The following GALNT18 variants were observed in gnomAD, a reference collection of about 807,000 sequenced individuals.
GALNT18 encodes GalNAc-transferase 18.
Under a neutral mutation model 69.5 loss-of-function variants are expected in GALNT18, and 44 were observed. The observed-to-expected ratio is 0.63, with a 90% confidence interval of 0.50 to 0.81. GALNT18 has a LOEUF of 0.81. GALNT18 is among the 40% of genes least tolerant of loss of function. The pLI is 0.00. For synonymous variants in GALNT18, 364 were observed against 318.2 expected, an observed-to-expected ratio of 1.14 and a Z score of -1.53; for missense variants, 715 against 810.0, an observed-to-expected ratio of 0.88 and a Z score of 1.42.
rs1292028435 is a variant in GALNT18, at chr11:11,505,770, T to C, written c.236-56834A>G. 1.3e-5 allele frequency among the ~76,000 whole-genome samples: 2 copies of C among 152,168 alleles called. No individual in the cohort carries two copies. Among genetic ancestry groups the C allele is most frequent in the African/African-American group, 2.4e-5 (1 of 41,444 alleles). Reference sequence around the variant, plus strand: ...AGTGTACCTGCTCTCTCTCCTTCATTTGCATGCCTTCAAGTTCTGTCTATG... The same window carrying C: ...AGTGTACCTGCTCTCTCTCCTTCATCTGCATGCCTTCAAGTTCTGTCTATG... On this transcript the variant is annotated intron_variant, in intron 1 of 10. Coordinates refer to ENST00000227756, the MANE Select transcript of GALNT18 (RefSeq NM_198516.3). The surrounding 1 kb of genome is among the most constrained non-coding windows in gnomAD (Gnocchi z 4.6).
rs1482152088 is a variant in GALNT18, at chr11:11,341,292, G to A, written c.1093-288C>T. On this transcript the variant is annotated intron_variant, in intron 6 of 10. Coordinates refer to ENST00000227756, the MANE Select transcript of GALNT18 (RefSeq NM_198516.3). This position sits in a 1 kb window ranked among gnomAD's most constrained non-coding sequence, Gnocchi z 6.3. ...TGTGAGCCCTACCCCACCAAAAAAA[G>A]AGACCAGACATTTTGTTCCAAAGAT... Among the ~76,000 whole-genome samples the A allele has an allele frequency of 6.6e-6, 1 of 152,152 alleles. No individual in the cohort carries two copies. Among genetic ancestry groups the A allele is most frequent in the Non-Finnish European group, 1.5e-5 (1 of 68,022 alleles).
chr11:11,420,522 C>T (rs1428552608), intron 3 of GALNT18, among the ~76,000 whole-genome samples: 9 of 152,188 alleles, frequency 5.9e-5, no homozygotes, highest in Non-Finnish European at 1.2e-4. Context: ...GAAGTTATTC[C>T]ATACTCCAAA....
Position 11,432,829 on chromosome 11 carries a change from G to C in GALNT18, c.429-42C>G, listed in dbSNP as rs370295925. 6 of 1,594,248 alleles carry C rather than the reference G, an allele frequency of 3.8e-6. No homozygotes were observed. The African/African-American group carries it at 8.0e-5, about 21-fold the overall frequency. ...AGCGCTTAGATTTGTGACTCAGCTGGAGTCATCTCAGGAGCTGACCCAGCC... is the reference window on the plus strand; with the variant it reads ...AGCGCTTAGATTTGTGACTCAGCTGCAGTCATCTCAGGAGCTGACCCAGCC... On this transcript the variant is annotated intron_variant, in intron 2 of 10. Transcript: ENST00000227756. The surrounding 1 kb of genome is among the most constrained non-coding windows in gnomAD (Gnocchi z 5.8).
rs1403369675 is a variant in GALNT18 at position 11,586,307 on chromosome 11, T to G, written c.235+35052A>C. 6.6e-6 allele frequency among the ~76,000 whole-genome samples: 1 copy of G among 152,234 alleles called. No individual in the cohort carries two copies. Among genetic ancestry groups the G allele is most frequent in the African/African-American group, 2.4e-5 (1 of 41,468 alleles). On this transcript the variant is annotated intron_variant, in intron 1 of 10. Coordinates refer to ENST00000227756, the MANE Select transcript of GALNT18 (RefSeq NM_198516.3). The surrounding 1 kb of genome is among the most constrained non-coding windows in gnomAD (Gnocchi z 4.1). ...TTGCCATTGTTAAATAAAATAATTA[T>G]TTTGAAATTTTCTCAGTTTAAATTT...
chr11:11,566,621 A>G (rs1858658718), intron 1 of GALNT18, among the ~76,000 whole-genome samples: 1 of 152,218 alleles, frequency 6.6e-6, no homozygotes, highest in Non-Finnish European at 1.5e-5. Flanking sequence ...GTATATATAG[A>G]AAGAAAGATA....
At chr11:11,476,627 T>C (rs1856405056) in intron 1 of GALNT18, among the ~76,000 whole-genome samples, 1 of 152,190 alleles carries the variant, frequency 6.6e-6, no homozygotes, top group African/African-American at 2.4e-5. Flanking sequence ...CTCAGGAAAC[T>C]CTTTTTCTGA....
chr11:11,293,214 A>T, intron 9 of GALNT18, 21 bp from the exon 10 acceptor site: 4 of 1,317,250 alleles, frequency 3.0e-6, no homozygotes, highest in Non-Finnish European at 3.9e-6. Flanking sequence ...AGGGAGGGAG[A>T]GAGTGTGGAT....
rs1267653192 is a variant in GALNT18 at position 11,604,971 on chromosome 11, CT to C, written c.235+16387del. ...GGTAAAAAAAAAGAATGGAATAGTCCTTTTTAAATGACATTTTCAATTTTTC... is the reference window on the plus strand; with the variant it reads ...GGTAAAAAAAAAGAATGGAATAGTCCTTTTAAATGACATTTTCAATTTTTC... On this transcript the variant is annotated intron_variant, in intron 1 of 10. Coordinates refer to ENST00000227756, the MANE Select transcript of GALNT18 (RefSeq NM_198516.3). This position sits in a 1 kb window ranked among gnomAD's most constrained non-coding sequence, Gnocchi z 5.6. Among the ~76,000 whole-genome samples the C allele has an allele frequency of 2.0e-5, 3 of 152,182 alleles. No homozygotes were observed. The highest frequency in any genetic ancestry group is 1.3e-4 in the Admixed American group (2 of 15,284).
intron 6 of GALNT18, among the ~76,000 whole-genome samples, chr11:11,358,089 C>A: frequency 7.0e-6 from 1 of 142,360 alleles, no homozygotes; most frequent in Non-Finnish European, 1.6e-5. Context: ...TCTCCTATGC[C>A]CATGTCCAAT....
At chr11:11,550,618 A>T (rs1858165689) in intron 1 of GALNT18, among the ~76,000 whole-genome samples, 1 of 152,208 alleles carries the variant, frequency 6.6e-6, no homozygotes. Flanking sequence ...ATACTCATTG[A>T]CACAGACAGG....
Position 11,280,348 on chromosome 11 carries a change from G to C in GALNT18, c.1678-9058C>G, listed in dbSNP as rs1041774970. ...AAGAGACCTTGAAGGCCAGCCTCTC[G>C]CTCTCACATGCCTAATGGCCTCTGT... On this transcript the variant is annotated intron_variant, in intron 10 of 10. Coordinates refer to ENST00000227756, the MANE Select transcript of GALNT18 (RefSeq NM_198516.3). 2.4e-4 allele frequency among the ~76,000 whole-genome samples: 36 copies of C among 152,108 alleles called. 1 individual carries two copies. The highest frequency in any genetic ancestry group is 4.7e-4 in the Non-Finnish European group (32 of 68,014).
At chr11:11,284,606 G>T (rs1334363869) in intron 10 of GALNT18, among the ~76,000 whole-genome samples, 1 of 152,200 alleles carries the variant, frequency 6.6e-6, no homozygotes, top group Non-Finnish European at 1.5e-5. Flanking sequence ...CAAGGACGCT[G>T]TGTGTGTACT....
rs1248446590 is a variant in GALNT18 at position 11,467,583 on chromosome 11, C to T, written c.236-18647G>A. Among the ~76,000 whole-genome samples, 5 of 152,220 alleles carry T rather than the reference C, an allele frequency of 3.3e-5. No homozygotes were observed. The East Asian group carries it at 9.6e-4, about 29-fold the overall frequency. On this transcript the variant is annotated intron_variant, in intron 1 of 10. Transcript: ENST00000227756. ...GGTTGGAATCAGCCCAGGAGACACGCCCACACGCTCATGCATTGTGCACAT... is the reference window on the plus strand; with the variant it reads ...GGTTGGAATCAGCCCAGGAGACACGTCCACACGCTCATGCATTGTGCACAT...
chr11:11,588,506 C>G (rs910447408), intron 1 of GALNT18, among the ~76,000 whole-genome samples: 2 of 152,168 alleles, frequency 1.3e-5, no homozygotes, highest in African/African-American at 4.8e-5. Context: ...TGAATTCTCT[C>G]CCTAGATCAG....
At chr11:11,360,126 C>T (rs1023094812) in intron 6 of GALNT18, among the ~76,000 whole-genome samples, 3 of 152,160 alleles carry the variant, frequency 2.0e-5, no homozygotes, top group African/African-American at 7.2e-5. Flanking sequence ...GAATAAAGCA[C>T]CTGCTTCTGT....
intron 6 of GALNT18, among the ~76,000 whole-genome samples, chr11:11,365,167 C>A (rs1850735572): frequency 6.6e-6 from 1 of 152,094 alleles, no homozygotes; most frequent in Non-Finnish European, 1.5e-5. Flanking sequence ...CCCCTACAGG[C>A]CTTCATGTGT....
At chr11:11,488,706 G>T (rs1856694355) in intron 1 of GALNT18, among the ~76,000 whole-genome samples, 3 of 152,144 alleles carry the variant, frequency 2.0e-5, no homozygotes. Context: ...GGGGGAGCCA[G>T]TCTGGTCTAT....
rs1052415928 is a variant in GALNT18, at chr11:11,494,554, G to A, written c.236-45618C>T. Among the ~76,000 whole-genome samples, 1 of 152,190 alleles carries A rather than the reference G, an allele frequency of 6.6e-6. No individual in the cohort carries two copies. The highest frequency in any genetic ancestry group is 1.5e-5 in the Non-Finnish European group (1 of 68,032). Reference sequence around the variant, plus strand: ...CTCAGCCATATGAAAGACCCCTTGTGGGTGAGCTGAAGGCAGAGTCATGCC... The same window carrying A: ...CTCAGCCATATGAAAGACCCCTTGTAGGTGAGCTGAAGGCAGAGTCATGCC... On this transcript the variant is annotated intron_variant, in intron 1 of 10. Transcript: ENST00000227756. This position sits in a 1 kb window ranked among gnomAD's most constrained non-coding sequence, Gnocchi z 5.7.
intron 3 of GALNT18, among the ~76,000 whole-genome samples, chr11:11,405,887 C>T (rs999629180): frequency 6.6e-6 from 1 of 152,234 alleles, no homozygotes; most frequent in African/African-American, 2.4e-5. Flanking sequence ...GTCTTTCTTG[C>T]TGCAGGCAGC....
Sources: gnomAD v4.1 joint callset for allele counts (sites outside exome capture counted in the v4.1 genomes callset) on GRCh38, gnomAD v4.1.1 for gene constraint, Gnocchi (gnomAD v3.1) non-coding constraint, MANE v1.5 for transcripts, NCBI Gene and HGNC (gene_info 2026-07-23, HGNC 2026-07-21) for gene names.